CNTNAP5: variants seen among roughly 807,000 people sequenced by gnomAD.
CNTNAP5 encodes contactin associated protein family member 5, also known as contactin-associated protein-like 5.
Under a neutral mutation model 150.2 loss-of-function variants are expected in CNTNAP5, and 72 were observed. That is an observed-to-expected ratio of 0.48 (90% CI 0.40 to 0.58). The LOEUF (loss-of-function observed/expected upper bound fraction) is 0.58, where lower values mean the gene tolerates loss of function less well. Ranked by LOEUF, CNTNAP5 falls within the 20% of genes least tolerant of loss-of-function variation. The pLI is 0.00. For missense variants in CNTNAP5, 1,636 were observed against 1,626.2 expected (o/e 1.01, Z -0.10); for synonymous variants, 672 against 619.8 (o/e 1.08, Z -1.25).
chr2:124,229,063 C>T (rs115090570), intron 2 of CNTNAP5, among the ~76,000 whole-genome samples: 88 of 152,218 alleles, frequency 5.8e-4, no homozygotes, highest in Middle Eastern at 6.8e-3. Context: ...TTTACCCCTA[C>T]GTGTGCTCAG....
chr2:124,267,014 A>G (rs777903517), intron 3 of CNTNAP5, among the ~76,000 whole-genome samples: 20 of 150,400 alleles, frequency 1.3e-4, no homozygotes, highest in Non-Finnish European at 2.5e-4. Flanking sequence ...AAAATTATTT[A>G]CTGTCCTCAT....
intron 3 of CNTNAP5, among the ~76,000 whole-genome samples, chr2:124,302,915 C>A (rs1302082177): frequency 6.6e-6 from 1 of 152,214 alleles, no homozygotes; most frequent in Non-Finnish European, 1.5e-5. Flanking sequence ...CTGGATCTTG[C>A]ATGTTTACTG....
intron 1 of CNTNAP5, among the ~76,000 whole-genome samples, chr2:124,085,465 AT>A (rs35889480): frequency 0.13 from 19,362 of 150,538 alleles, 1,300 homozygotes; most frequent in South Asian, 0.23. Flanking sequence ...AATTTTATTG[AT>A]TTTTTTTCAA....
chr2:124,885,002 T>C (rs750929386), intron 21 of CNTNAP5, among the ~76,000 whole-genome samples: 2 of 152,040 alleles, frequency 1.3e-5, no homozygotes, highest in Non-Finnish European at 2.9e-5. Context: ...AACCCACTCA[T>C]ATCAGTCAGG....
intron 12 of CNTNAP5, among the ~76,000 whole-genome samples, chr2:124,637,134 C>T (rs1319014921): frequency 1.3e-5 from 2 of 152,118 alleles, no homozygotes; most frequent in African/African-American, 4.8e-5. Flanking sequence ...ATCCAAAGTC[C>T]TACAATGTGT....
At chr2:124,063,120 A>T (rs1682058273) in intron 1 of CNTNAP5, among the ~76,000 whole-genome samples, 1 of 152,122 alleles carries the variant, frequency 6.6e-6, no homozygotes, top group Non-Finnish European at 1.5e-5. Context: ...TATTGGGGGC[A>T]GTAAAATCTG....
chr2:124,874,999 G>T (rs925891373), intron 21 of CNTNAP5, among the ~76,000 whole-genome samples: 2 of 151,984 alleles, frequency 1.3e-5, no homozygotes, highest in African/African-American at 4.8e-5. Context: ...TTCTCAAGAT[G>T]CATAAAATTT....
At chr2:124,201,585 C>T (rs1402407491) in intron 1 of CNTNAP5, among the ~76,000 whole-genome samples, 1 of 152,214 alleles carries the variant, frequency 6.6e-6, no homozygotes, top group African/African-American at 2.4e-5. Context: ...CCATGGGGCT[C>T]ACCATTCTGG....
At chr2:124,698,808 T>C (rs1047537430) in intron 13 of CNTNAP5, among the ~76,000 whole-genome samples, 2 of 152,086 alleles carry the variant, frequency 1.3e-5, no homozygotes, top group Non-Finnish European at 2.9e-5. Flanking sequence ...ACTCTGAGGA[T>C]TTCCCACCCC....
At chr2:124,471,067 T>G (rs565305693) in intron 6 of CNTNAP5, among the ~76,000 whole-genome samples, 1 of 152,306 alleles carries the variant, frequency 6.6e-6, no homozygotes, top group East Asian at 1.9e-4. Context: ...CTTTTTTCGT[T>G]TCATATAAAT....
chr2:124,203,329 G>A (rs755432441), intron 1 of CNTNAP5, among the ~76,000 whole-genome samples: 3 of 152,174 alleles, frequency 2.0e-5, no homozygotes, highest in Non-Finnish European at 4.4e-5. Flanking sequence ...ACAGGGTACA[G>A]CACCCCCTCC....
chr2:124,317,125 A>G lies in CNTNAP5; in HGVS notation c.381+74732A>G, dbSNP rs538442308. On this transcript the variant is annotated intron_variant, in intron 3 of 23. Transcript: ENST00000682447. The stretch of plus-strand genomic sequence containing the variant: ...TATTTCTGCTGAAGAATATGTGGCT[A>G]TTTACACCGGGTGGCTTCAACTAAG... 4.3e-4 allele frequency among the ~76,000 whole-genome samples: 66 copies of G among 152,258 alleles called. 1 individual carries two copies. The South Asian group carries it at 0.013, about 30-fold the overall frequency.
chr2:124,782,975 A>C (rs773742477), intron 17 of CNTNAP5, among the ~76,000 whole-genome samples: 1 of 152,190 alleles, frequency 6.6e-6, no homozygotes, highest in Non-Finnish European at 1.5e-5. Context: ...TTCCTTTATT[A>C]ATATGGACAA....
chr2:124,271,698 T>G (rs532210300), intron 3 of CNTNAP5, among the ~76,000 whole-genome samples: 1 of 79,842 alleles, frequency 1.3e-5, no homozygotes, highest in African/African-American at 4.4e-5. Flanking sequence ...TCTATCTATC[T>G]ATCATCTATC....
intron 19 of CNTNAP5, among the ~76,000 whole-genome samples, chr2:124,808,862 T>G (rs1220587633): frequency 6.6e-6 from 1 of 152,038 alleles, no homozygotes; most frequent in East Asian, 1.9e-4. Flanking sequence ...TGTCCAAAGC[T>G]GAAGGCAAGG....
intron 6 of CNTNAP5, among the ~76,000 whole-genome samples, chr2:124,453,924 A>C (rs569957655): frequency 4.6e-5 from 7 of 152,206 alleles, no homozygotes; most frequent in Non-Finnish European, 1.0e-4. Flanking sequence ...ATAAAAAAAA[A>C]GAGCCTCTTT....
In CNTNAP5 at chr2:124,668,906, C is replaced by T. The variant is rs532358497; in HGVS notation, c.2077+20948C>T. ...TAGGGCACTTTTCCTTCCTCAGACA[C>T]ATCCTTTAAGGATGTGGTGCTATAC... On this transcript the variant is annotated intron_variant, in intron 13 of 23. Transcript: ENST00000682447. 5.9e-5 allele frequency among the ~76,000 whole-genome samples: 9 copies of T among 152,284 alleles called. No individual in the cohort carries two copies. The East Asian group carries it at 1.7e-3, about 30-fold the overall frequency.
Position 124,524,439 on chromosome 2 carries a change from C to A in CNTNAP5, c.1464C>A (p.Ser488Arg). ...STWVQIYSGN[S>R]YYFGGCPDNL... ...GGGTGCAGATTTATTCTGGAAATAG[C>A]TACTATTTTGGAGGTAAATTCTCCA... Residue 488 changes from serine to arginine, a missense_variant, in exon 9 of 24, where the codon AGC (serine) becomes AGA (arginine). Coordinates refer to ENST00000682447, the MANE Select transcript of CNTNAP5 (RefSeq NM_001367498.1). 1 of 1,611,698 alleles carries A rather than the reference C, an allele frequency of 6.2e-7. No homozygotes were observed. Among genetic ancestry groups the A allele is most frequent in the Non-Finnish European group, 8.5e-7 (1 of 1,178,704 alleles).
intron 12 of CNTNAP5, among the ~76,000 whole-genome samples, chr2:124,625,767 T>C (rs1677708917): frequency 6.6e-6 from 1 of 152,208 alleles, no homozygotes; most frequent in African/African-American, 2.4e-5. Context: ...CAAAGATTTA[T>C]TGAGGCACTG....
Sources: gnomAD v4.1 joint callset for allele counts (sites outside exome capture counted in the v4.1 genomes callset) on GRCh38, gnomAD v4.1.1 for gene constraint, MANE v1.5 for transcripts, NCBI Gene and HGNC (gene_info 2026-07-23, HGNC 2026-07-21) for gene names.